ARRB1: variants seen among roughly 807,000 people sequenced by gnomAD.
ARRB1 encodes beta-arrestin-1.
Under a neutral mutation model 56.8 loss-of-function variants are expected in ARRB1, and 21 were observed. The ratio of observed to expected loss-of-function variants is 0.37; its 90% CI spans 0.26 to 0.53. The LOEUF (loss-of-function observed/expected upper bound fraction) is 0.53. ARRB1 is among the 20% of genes least tolerant of loss of function. ARRB1 has a pLI of 0.88. For missense variants in ARRB1, 424 were observed against 553.7 expected, an observed-to-expected ratio of 0.77 and a Z score of 2.35; for synonymous variants, 210 against 218.6, an observed-to-expected ratio of 0.96 and a Z score of 0.35.
At chr11:75,287,433 C>G in intron 2 of ARRB1, 58 bp from the exon 3 acceptor site, 1 of 1,531,842 alleles carries the variant, frequency 6.5e-7, no homozygotes, top group Non-Finnish European at 8.8e-7. Context: ...ACACAGGACC[C>G]TGTCTTGGAG....
intron 1 of ARRB1, among the ~76,000 whole-genome samples, chr11:75,350,360 G>T (rs1947827751): frequency 6.6e-6 from 1 of 152,212 alleles, no homozygotes; most frequent in African/African-American, 2.4e-5. Context: ...GAAACGAGGA[G>T]AGGGGAGGGG....
intron 7 of ARRB1, 72 bp from the exon 8 acceptor site, chr11:75,278,816 A>G (rs564239121): frequency 2.6e-6 from 4 of 1,532,730 alleles, no homozygotes; most frequent in East Asian, 2.3e-5. Flanking sequence ...CGAGCCTCAC[A>G]TCATTCTCCT....
At chr11:75,270,234 A>G (rs1438210083) in intron 13 of ARRB1, among the ~76,000 whole-genome samples, 1 of 152,240 alleles carries the variant, frequency 6.6e-6, no homozygotes, top group Admixed American at 6.5e-5. Flanking sequence ...TGATCCTAGC[A>G]CTTTGGGAGG....
At chr11:75,316,524 T>C (rs1947268291) in intron 1 of ARRB1, among the ~76,000 whole-genome samples, 1 of 152,054 alleles carries the variant, frequency 6.6e-6, no homozygotes, top group Non-Finnish European at 1.5e-5. Flanking sequence ...GAATGGACTA[T>C]TCACTGAGCA....
At position 75,276,908 on chromosome 11, in the gene ARRB1, C is replaced by T. The variant is rs781672812; in HGVS notation, c.707G>A (p.Arg236His). 1.8e-5 allele frequency: 29 copies of T among 1,614,004 alleles called. No individual in the cohort carries two copies. In the East Asian group the frequency reaches 2.0e-4, roughly 11 times the overall value. ...KTVKKIKISV[R>H]QYADICLFNT... ...GAAAAGGCAGATGTCTGCATACTGGCGCACTAGGGAGGGAGAGGAATCAAG... is the reference window on the plus strand; with the variant it reads ...GAAAAGGCAGATGTCTGCATACTGGTGCACTAGGGAGGGAGAGGAATCAAG... Residue 236 changes from arginine to histidine, a missense_variant, in exon 10 of 16, where the codon CGC (arginine) becomes CAC (histidine). Arg to His is a conservative substitution (Grantham distance 29). Coordinates refer to ENST00000420843, the MANE Select transcript of ARRB1 (RefSeq NM_004041.5).
At chr11:75,330,532 G>A (rs939483916) in intron 1 of ARRB1, among the ~76,000 whole-genome samples, 6 of 152,156 alleles carry the variant, frequency 3.9e-5, no homozygotes, top group African/African-American at 1.4e-4. Flanking sequence ...ATTGCAGAAG[G>A]CCTGCCTGGG....
At position 75,291,085 on chromosome 11, in the gene ARRB1, C is replaced by T. The variant is rs549127751; in HGVS notation, c.21-1046G>A. Among the ~76,000 whole-genome samples the T allele has an allele frequency of 1.1e-3, 174 of 152,334 alleles. 1 individual carries two copies. Among genetic ancestry groups the T allele is most frequent in the East Asian group, 1.2e-3 (6 of 5,188 alleles). ...TAAATGATGGGACCAGGAACGGTGG[C>T]TCATGCCTGTAATCCCAGCATTTTG... On this transcript the variant is annotated intron_variant, in intron 1 of 15. Transcript: ENST00000420843.
intron 1 of ARRB1, among the ~76,000 whole-genome samples, chr11:75,292,130 A>ATATTTATT (rs5792684): frequency 2.0e-4 from 30 of 150,678 alleles, no homozygotes; most frequent in Admixed American, 4.6e-4. Context: ...CTGCTCATAA[A>ATATTTATT]TATTTATTTA....
At position 75,329,773 on chromosome 11, in the gene ARRB1, G is replaced by T. The variant is rs372102381; in HGVS notation, c.20+21815C>A. Among the ~76,000 whole-genome samples, 3 of 152,232 alleles carry T rather than the reference G, an allele frequency of 2.0e-5. No homozygotes were observed. The East Asian group carries it at 5.8e-4, about 29-fold the overall frequency. On this transcript the variant is annotated intron_variant, in intron 1 of 15. Transcript: ENST00000420843. ...TTTGGGAGATCAAGGTGGGAGGATTGCTTGAGCCCAAGAGTTTGAGACCAG... is the reference window on the plus strand; with the variant it reads ...TTTGGGAGATCAAGGTGGGAGGATTTCTTGAGCCCAAGAGTTTGAGACCAG...
intron 14 of ARRB1, 83 bp downstream of exon 14, chr11:75,268,806 C>A: frequency 6.7e-7 from 1 of 1,486,764 alleles, no homozygotes. Flanking sequence ...GGGCTGAGGG[C>A]GAACCCGGGG....
At chr11:75,339,078 T>C (rs1591990228) in intron 1 of ARRB1, among the ~76,000 whole-genome samples, 1 of 152,234 alleles carries the variant, frequency 6.6e-6, no homozygotes, top group South Asian at 2.1e-4. Flanking sequence ...TGCCCAAAGA[T>C]AGCCCTCCAA....
intron 10 of ARRB1, 44 bp downstream of exon 10, chr11:75,276,795 C>A: frequency 6.3e-7 from 1 of 1,597,694 alleles, no homozygotes; most frequent in Non-Finnish European, 8.6e-7. Context: ...TCTCTTTTTC[C>A]CACCCAATCC....
At chr11:75,315,127 T>A (rs975995742) in intron 1 of ARRB1, among the ~76,000 whole-genome samples, 2 of 152,180 alleles carry the variant, frequency 1.3e-5, no homozygotes, top group African/African-American at 4.8e-5. Context: ...CAATTTCATG[T>A]TGCTTGGGCA....
intron 3 of ARRB1, among the ~76,000 whole-genome samples, chr11:75,285,884 G>A (rs1256253710): frequency 6.6e-6 from 1 of 152,204 alleles, no homozygotes; most frequent in Non-Finnish European, 1.5e-5. Flanking sequence ...AGGGCCCACT[G>A]GAAATGACAA....
chr11:75,298,427 G>A (rs946277229), intron 1 of ARRB1, among the ~76,000 whole-genome samples: 4 of 152,136 alleles, frequency 2.6e-5, no homozygotes, highest in African/African-American at 4.8e-5. Flanking sequence ...AGATATTCAA[G>A]TGGCCACTAA....
rs1480076733 is a variant in ARRB1 at position 75,262,249 on chromosome 11, G to GC, written c.*3913dup. ...CTCTTTAACCTGGGTCAGAGCCAAG[G>GC]CCCCTTGGCCTCTGTGGGGTCTGAG... On this transcript the variant is annotated 3_prime_UTR_variant, in exon 16 of 16. Coordinates refer to ENST00000420843, the MANE Select transcript of ARRB1 (RefSeq NM_004041.5). 6.6e-6 allele frequency: 1 copy of GC among 152,212 alleles called. No individual in the cohort carries two copies. The highest frequency in any genetic ancestry group is 2.4e-5 in the African/African-American group (1 of 41,450). 9.4% of individuals were successfully genotyped at this position (152,212 alleles called of 1,614,324 possible).
chr11:75,290,272 G>C (rs934313194), intron 1 of ARRB1, among the ~76,000 whole-genome samples: 1 of 152,212 alleles, frequency 6.6e-6, no homozygotes, highest in Non-Finnish European at 1.5e-5. Context: ...CTTGCAGTCA[G>C]GTCTTTGCAG....
intron 1 of ARRB1, among the ~76,000 whole-genome samples, chr11:75,290,414 C>G (rs1181284338): frequency 1.3e-5 from 2 of 152,172 alleles, no homozygotes; most frequent in African/African-American, 4.8e-5. Context: ...CACCCATCTC[C>G]AGCCACATCT....
intron 1 of ARRB1, among the ~76,000 whole-genome samples, chr11:75,322,356 A>C (rs1435222113): frequency 2.0e-5 from 3 of 152,118 alleles, no homozygotes; most frequent in Non-Finnish European, 4.4e-5. Context: ...AAATACAAAA[A>C]CTAGCCAGGC....
Sources: gnomAD v4.1 joint callset for allele counts (sites outside exome capture counted in the v4.1 genomes callset) on GRCh38, gnomAD v4.1.1 for gene constraint, MANE v1.5 for transcripts, NCBI Gene and HGNC (gene_info 2026-07-23, HGNC 2026-07-21) for gene names.